Variants in GPATCH2 observed in about 807,000 individuals in gnomAD.
The protein encoded by GPATCH2 is G patch domain-containing protein 2.
A neutral mutation model predicts 58.0 loss-of-function variants in GPATCH2; 51 were observed. The observed-to-expected ratio is 0.88, with a 90% CI of 0.70 to 1.11. The LOEUF (loss-of-function observed/expected upper bound fraction) is 1.11. GPATCH2 is among the 50% of genes most tolerant of loss of function. The probability of loss-of-function intolerance (pLI) is 0.00; values close to 1 mark genes in which losing one functional copy is unlikely to be tolerated. For synonymous variants in GPATCH2, 222 were observed against 218.5 expected (o/e 1.02, Z -0.14); for missense variants, 625 against 652.2 (o/e 0.96, Z 0.45).
At position 217,524,825 on chromosome 1, in the gene GPATCH2, C is replaced by T. The variant is rs1223101072; in HGVS notation, c.1099-9936G>A. On this transcript the variant is annotated intron_variant, in intron 5 of 9. Coordinates refer to ENST00000366935, the MANE Select transcript of GPATCH2 (RefSeq NM_018040.5). Reference sequence around the variant, plus strand: ...AGATGGCAGCAGTACAGTCCAGCTTCGGCTTGGCATCAGAGGGAGACCGGG... The same window carrying T: ...AGATGGCAGCAGTACAGTCCAGCTTTGGCTTGGCATCAGAGGGAGACCGGG... 5.5e-4 allele frequency among the ~76,000 whole-genome samples: 56 copies of T among 101,314 alleles called. 1 individual carries two copies. The highest frequency in any genetic ancestry group is 1.3e-3 in the African/African-American group (39 of 29,048). The allele number at this position is 101,314 out of a possible 152,430, so 66.5% of individuals were successfully genotyped here.
chr1:217,453,386 C>A (rs1385226037), intron 8 of GPATCH2, among the ~76,000 whole-genome samples: 1 of 152,086 alleles, frequency 6.6e-6, no homozygotes, highest in Admixed American at 6.5e-5. Context: ...CAAAACCAAC[C>A]TATTCTGAAG....
intron 9 of GPATCH2, among the ~76,000 whole-genome samples, chr1:217,434,443 T>A (rs1251575770): frequency 6.6e-6 from 1 of 152,228 alleles, no homozygotes; most frequent in Non-Finnish European, 1.5e-5. Context: ...ATGTAGTTTT[T>A]TCTGGATAGC....
At chr1:217,474,021 T>C (rs371972312) in intron 8 of GPATCH2, among the ~76,000 whole-genome samples, 2 of 152,202 alleles carry the variant, frequency 1.3e-5, no homozygotes, top group African/African-American at 4.8e-5. Context: ...GCATCCTATG[T>C]GAGAAGAATA....
rs144517645 is a variant in GPATCH2 at position 217,616,400 on chromosome 1, TG to T, written c.774-2199del. Among the ~76,000 whole-genome samples, 5 of 152,292 alleles carry T rather than the reference TG, an allele frequency of 3.3e-5. No homozygotes were observed. The East Asian group carries it at 9.6e-4, about 29-fold the overall frequency. ...TTCCCATCTCTGGTCCTTTTGTTTA[TG>T]TTCTTTTCCCAGTGGTATGCCTATC... is the stretch of plus-strand genomic sequence containing the variant. On this transcript the variant is annotated intron_variant, in intron 2 of 9. Transcript: ENST00000366935.
chr1:217,499,272 A>G (rs186718908), intron 6 of GPATCH2, among the ~76,000 whole-genome samples: 1 of 152,214 alleles, frequency 6.6e-6, no homozygotes, highest in Admixed American at 6.5e-5. Flanking sequence ...AAGTACCTCT[A>G]TGTACTAAGC....
intron 7 of GPATCH2, among the ~76,000 whole-genome samples, chr1:217,494,674 A>G (rs1232547985): frequency 6.6e-6 from 1 of 151,960 alleles, no homozygotes; most frequent in African/African-American, 2.4e-5. Flanking sequence ...AACTCGGGAG[A>G]CGGAGGTTGC....
chr1:217,527,525 G>A (rs1308251955), intron 5 of GPATCH2, among the ~76,000 whole-genome samples: 1 of 147,576 alleles, frequency 6.8e-6, no homozygotes, highest in Non-Finnish European at 1.5e-5. Flanking sequence ...AAGAATCAAA[G>A]GTTTCCACCA....
At chr1:217,457,844 A>T (rs1660014192) in intron 8 of GPATCH2, among the ~76,000 whole-genome samples, 1 of 152,202 alleles carries the variant, frequency 6.6e-6, no homozygotes, top group Non-Finnish European at 1.5e-5. Flanking sequence ...AACTCACAAG[A>T]GTCCTTGAGA....
chr1:217,527,741 AAAC>A (rs1173733336), intron 5 of GPATCH2, among the ~76,000 whole-genome samples: 1 of 152,212 alleles, frequency 6.6e-6, no homozygotes, highest in Non-Finnish European at 1.5e-5. Context: ...TAGTCCTAGA[AAAC>A]AACAAGTCAT....
At chr1:217,570,618 AT>A (rs1666488933) in intron 5 of GPATCH2, among the ~76,000 whole-genome samples, 1 of 152,190 alleles carries the variant, frequency 6.6e-6, no homozygotes, top group Non-Finnish European at 1.5e-5. Flanking sequence ...CTTTGTAGCT[AT>A]AAAATTTCAA....
At chr1:217,586,660 A>C (rs1338069020) in intron 5 of GPATCH2, among the ~76,000 whole-genome samples, 1 of 152,220 alleles carries the variant, frequency 6.6e-6, no homozygotes, top group Non-Finnish European at 1.5e-5. Flanking sequence ...AAACCTACTA[A>C]TATAGTTGTT....
chr1:217,549,147 A>G (rs536906927), intron 5 of GPATCH2, among the ~76,000 whole-genome samples: 6 of 152,180 alleles, frequency 3.9e-5, no homozygotes, highest in African/African-American at 1.4e-4. Flanking sequence ...GGCAGCTCTC[A>G]TTTAAGGCCA....
intron 5 of GPATCH2, among the ~76,000 whole-genome samples, chr1:217,549,132 G>A (rs1331289010): frequency 1.3e-5 from 2 of 152,044 alleles, no homozygotes; most frequent in African/African-American, 4.8e-5. Flanking sequence ...AAATAGTTAA[G>A]TTTTGGCAGC....
At chr1:217,586,713 G>T (rs1292161233) in intron 5 of GPATCH2, among the ~76,000 whole-genome samples, 5 of 152,042 alleles carry the variant, frequency 3.3e-5, no homozygotes, top group Non-Finnish European at 7.4e-5. Context: ...TACTTGTATT[G>T]TGTATACTTT....
At chr1:217,596,718 A>AT (rs1373025040) in intron 5 of GPATCH2, among the ~76,000 whole-genome samples, 8 of 152,098 alleles carry the variant, frequency 5.3e-5, no homozygotes, top group Non-Finnish European at 1.2e-4. Flanking sequence ...TCTCTCCGCC[A>AT]TTTTTTCGAA....
intron 8 of GPATCH2, among the ~76,000 whole-genome samples, chr1:217,468,261 C>T (rs76751983): frequency 0.021 from 3,139 of 152,148 alleles, 51 homozygotes; most frequent in East Asian, 0.085. Context: ...AAATAAATCA[C>T]GGAAAGAGAT....
chr1:217,617,896 G>C (rs1668971422), intron 2 of GPATCH2, among the ~76,000 whole-genome samples: 1 of 152,026 alleles, frequency 6.6e-6, no homozygotes. Context: ...AATGAAAAAT[G>C]AGAGTTTGAT....
chr1:217,489,752 C>T (rs1376356928), intron 8 of GPATCH2, among the ~76,000 whole-genome samples: 1 of 152,170 alleles, frequency 6.6e-6, no homozygotes, highest in East Asian at 1.9e-4. Flanking sequence ...ATCCCAGCTA[C>T]TTGGGAGGCT....
chr1:217,495,280 A>AT (rs994299502), intron 7 of GPATCH2, among the ~76,000 whole-genome samples: 1 of 152,158 alleles, frequency 6.6e-6, no homozygotes, highest in Non-Finnish European at 1.5e-5. Flanking sequence ...AAAGTCTCAC[A>AT]TCCCAAGAGG....
Sources: gnomAD v4.1 joint callset for allele counts (sites outside exome capture counted in the v4.1 genomes callset) on GRCh38, gnomAD v4.1.1 for gene constraint, MANE v1.5 for transcripts, NCBI Gene and HGNC (gene_info 2026-07-23, HGNC 2026-07-21) for gene names.